Variants in ZFAND1 observed in about 807,000 individuals in gnomAD.
The protein encoded by ZFAND1 is zinc finger AN1-type containing 1.
In ZFAND1, 40 loss-of-function variants were observed where a neutral mutation model predicts 38.5. The ratio of observed to expected loss-of-function variants is 1.04; its 90% CI spans 0.81 to 1.35. The LOEUF (loss-of-function observed/expected upper bound fraction) is 1.35. Ranked by LOEUF, ZFAND1 falls within the 40% of genes most tolerant of loss-of-function variation. The pLI is 0.00. For synonymous variants in ZFAND1, 117 were observed against 103.6 expected (o/e 1.13, Z -0.78); for missense variants, 346 against 316.3 (o/e 1.09, Z -0.71).
intron 6 of ZFAND1, among the ~76,000 whole-genome samples, chr8:81,713,414 C>T (rs908262962): frequency 2.6e-5 from 4 of 152,064 alleles, no homozygotes; most frequent in South Asian, 2.1e-4. Context: ...TGAGCCACCA[C>T]GCCCAGCCAC....
Position 81,703,080 on chromosome 8 carries a change from T to C in ZFAND1, c.525A>G (p.Lys175=). 1.3e-6 allele frequency: 2 copies of C among 1,570,258 alleles called. No individual in the cohort carries two copies. The highest frequency in any genetic ancestry group is 2.4e-5 in the South Asian group (2 of 85,004). ...AAAAGAACATTGGTTTGCTCTTCTC[T>C]TTGCTCCCTTTAGGTAAGAAAACCT... The part of the protein sequence containing the change: ...YFQVFLPKGS[K]EKSKPMFFCH... The change falls in exon 7 of 8, where the codon AAA becomes AAG. Residue 175 remains lysine (K), a synonymous_variant. Transcript: ENST00000220669.
chr8:81,714,147 A>G (rs1808228713), intron 5 of ZFAND1, 108 bp from the exon 6 acceptor site: 1 of 1,078,600 alleles, frequency 9.3e-7, no homozygotes, highest in Non-Finnish European at 1.3e-6. Flanking sequence ...ATTACACACA[A>G]GAGAGATATA....
At chr8:81,705,750 G>A (rs758776385) in intron 6 of ZFAND1, among the ~76,000 whole-genome samples, 6 of 152,216 alleles carry the variant, frequency 3.9e-5, no homozygotes, top group South Asian at 2.1e-4. Context: ...GCAAAACCCC[G>A]TCTCTTAAAA....
At chr8:81,720,104 C>G (rs902764642) in intron 1 of ZFAND1, among the ~76,000 whole-genome samples, 3 of 152,206 alleles carry the variant, frequency 2.0e-5, no homozygotes, top group Non-Finnish European at 2.9e-5. Flanking sequence ...GTCTTTGACA[C>G]GGTAATTCAG....
intron 6 of ZFAND1, among the ~76,000 whole-genome samples, chr8:81,708,496 A>C (rs1808046588): frequency 6.6e-6 from 1 of 152,130 alleles, no homozygotes; most frequent in Admixed American, 6.6e-5. Context: ...AAGTTGACCA[A>C]ACAAAATAAA....
At chr8:81,706,394 A>AAAAAG (rs1807985799) in intron 6 of ZFAND1, among the ~76,000 whole-genome samples, 1 of 144,878 alleles carries the variant, frequency 6.9e-6, no homozygotes, top group Admixed American at 7.0e-5. Flanking sequence ...AAAAAAAAAA[A>AAAAAG]GAAGTGTTGG....
At chr8:81,717,638 C>A (rs1470963546) in intron 2 of ZFAND1, among the ~76,000 whole-genome samples, 1 of 151,952 alleles carries the variant, frequency 6.6e-6, no homozygotes, top group Non-Finnish European at 1.5e-5. Context: ...TAAAAATATA[C>A]ATTACTTTTA....
intron 1 of ZFAND1, among the ~76,000 whole-genome samples, chr8:81,719,178 A>G (rs1182148691): frequency 1.3e-5 from 2 of 152,114 alleles, no homozygotes. Context: ...TCAGAACAGT[A>G]CTGCAAGGGG....
Position 81,702,801 on chromosome 8 carries a change from C to A in ZFAND1, c.701G>T (p.Trp234Leu). The part of the protein sequence containing the change: ...ALPLDHTLET[W>L]IAKEDCPLYN... ...TAAAGGACAATCCTCCTTAGCAATC[C>A]AGGTTTCCAAAGTATGATCCAAGGG... The change falls in exon 8 of 8, where the codon TGG becomes TTG. Residue 234 changes from tryptophan (W) to leucine (L), a missense_variant. Coordinates refer to ENST00000220669, the MANE Select transcript of ZFAND1 (RefSeq NM_024699.3). The A allele has an allele frequency of 6.2e-7, 1 of 1,608,964 alleles. No individual in the cohort carries two copies. The highest frequency in any genetic ancestry group is 8.5e-7 in the Non-Finnish European group (1 of 1,177,974).
In ZFAND1 at chr8:81,702,716, A is replaced by G; in HGVS notation, c.786T>C (p.Asn262=). Residue 262 remains asparagine, a synonymous_variant, in exon 8 of 8, where the codon AAT becomes AAC. Transcript: ENST00000220669. ...ATGACTATTCCAAGTAAGATTCAAC[A>G]TTTTTACAGAATTGTTCTTCATCAT... ...YLNDEEQFCK[N]VESYLE 3 of 1,551,134 alleles carry G rather than the reference A, an allele frequency of 1.9e-6. No individual in the cohort carries two copies. The South Asian group carries it at 3.8e-5, about 20-fold the overall frequency.
chr8:81,719,945 T>C (rs1285203019), intron 1 of ZFAND1, among the ~76,000 whole-genome samples: 1 of 152,214 alleles, frequency 6.6e-6, no homozygotes, highest in African/African-American at 2.4e-5. Flanking sequence ...TGGCTTGTTA[T>C]TACAGCCAGT....
chr8:81,710,488 C>G (rs1021686145), intron 6 of ZFAND1, among the ~76,000 whole-genome samples: 1 of 151,840 alleles, frequency 6.6e-6, no homozygotes, highest in Non-Finnish European at 1.5e-5. Context: ...GGGTGATGAG[C>G]AGAAAATACA....
In ZFAND1 at chr8:81,713,994, T is replaced by C. The variant is rs368521069; in HGVS notation, c.404A>G (p.Lys135Arg). 5.0e-6 allele frequency: 8 copies of C among 1,612,798 alleles called. No homozygotes were observed. Among genetic ancestry groups the C allele is most frequent in the Non-Finnish European group, 6.8e-6 (8 of 1,179,718 alleles). The stretch of plus-strand genomic sequence containing the variant: ...AACCTTTGCAGCTGTTTCACTATTT[T>C]TGGCACCTTTCCATCGTTTACTTGC... ...ETASKRWKGA[K>R]NSETAAKVAL... is the part of the protein sequence containing the mutation. The change falls in exon 6 of 8, where the codon AAA becomes AGA. Residue 135 changes from lysine (K) to arginine (R), a missense_variant. Coordinates refer to ENST00000220669, the MANE Select transcript of ZFAND1 (RefSeq NM_024699.3).
At chr8:81,706,378 A>AAG (rs1807984506) in intron 6 of ZFAND1, among the ~76,000 whole-genome samples, 2 of 142,588 alleles carry the variant, frequency 1.4e-5, no homozygotes, top group African/African-American at 2.8e-5. Flanking sequence ...AACAAAAAAA[A>AAG]AAAAAAAAAA....
In ZFAND1 at chr8:81,721,196, CG is replaced by C. The variant is rs959994034; in HGVS notation, c.55+30del. The C allele has an allele frequency of 2.1e-5, 32 of 1,545,762 alleles. No individual in the cohort carries two copies. In the Admixed American group the frequency reaches 5.9e-4, roughly 28 times the overall value. ...AAGCGGAGCCCTGGTCTCCCGCGGC[CG>C]GGGATGGGGGCTGGAAGCTCCCGGA... On this transcript the variant is annotated intron_variant, in intron 1 of 7. Transcript: ENST00000220669.
At chr8:81,716,970 CAAAT>C (rs1469388121) in intron 3 of ZFAND1, among the ~76,000 whole-genome samples, 2 of 151,950 alleles carry the variant, frequency 1.3e-5, no homozygotes, top group Non-Finnish European at 2.9e-5. Context: ...ACAAAACAAA[CAAAT>C]AAATAAATAT....
chr8:81,703,364 A>G (rs1260184839), intron 6 of ZFAND1, among the ~76,000 whole-genome samples: 1 of 152,174 alleles, frequency 6.6e-6, no homozygotes, highest in Non-Finnish European at 1.5e-5. Context: ...GGCCAATCAG[A>G]TCTGTTCCTG....
At chr8:81,707,673 A>T (rs1165617110) in intron 6 of ZFAND1, among the ~76,000 whole-genome samples, 1 of 152,240 alleles carries the variant, frequency 6.6e-6, no homozygotes, top group Non-Finnish European at 1.5e-5. Flanking sequence ...GATCAGATAT[A>T]GAACATTCTA....
In ZFAND1 at chr8:81,703,111, T is replaced by C. The variant is rs990533330; in HGVS notation, c.494A>G (p.Tyr165Cys). The C allele has an allele frequency of 1.3e-6, 2 of 1,504,684 alleles. No homozygotes were observed. The highest frequency in any genetic ancestry group is 1.8e-6 in the Non-Finnish European group (2 of 1,122,138). The allele number at this position is 1,504,684 out of a possible 1,614,324, so 93.2% of individuals were successfully genotyped here. A position where few individuals can be genotyped will look rare whatever the true frequency, so the allele number is the denominator to read the frequency against. ...DKSLPQTERI[Y>C]FQVFLPKGSK... is the part of the protein sequence containing the mutation. ...CCCTTTAGGTAAGAAAACCTGAAAG[T>C]AAATTCTTTCTGTCTGTAAAAAGAA... Residue 165 changes from tyrosine (Y) to cysteine (C), a missense_variant, in exon 7 of 8, where the codon TAC becomes TGC. Tyr to Cys is a radical substitution (Grantham distance 194, BLOSUM62 -2). Transcript: ENST00000220669.
Sources: gnomAD v4.1 joint callset for allele counts (sites outside exome capture counted in the v4.1 genomes callset) on GRCh38, gnomAD v4.1.1 for gene constraint, MANE v1.5 for transcripts, NCBI Gene and HGNC (gene_info 2026-07-23, HGNC 2026-07-21) for gene names.